The following C12orf42 variants were observed in gnomAD, a reference collection of about 807,000 sequenced individuals.
C12orf42 encodes chromosome 12 open reading frame 42, also known as uncharacterized protein C12orf42.
Under a neutral mutation model 21.6 loss-of-function variants are expected in C12orf42, and 25 were observed. The observed-to-expected ratio is 1.16, with a 90% CI of 0.84 to 1.62. The LOEUF (loss-of-function observed/expected upper bound fraction) is 1.62. Among genes scored for constraint, C12orf42 ranks in the 40% most tolerant of loss-of-function variants. The pLI, the probability that C12orf42 is intolerant of heterozygous loss-of-function variation, is 0.00. For missense variants in C12orf42, 483 were observed against 459.3 expected (o/e 1.05, Z -0.47); for synonymous variants, 174 against 175.0 (o/e 0.99, Z 0.05).
the C12orf42 span, among the ~76,000 whole-genome samples, chr12:103,117,969 T>C: frequency 3.6e-4 from 55 of 152,354 alleles, no homozygotes; most frequent in Middle Eastern, 6.8e-3. Flanking sequence ...AGATAATTTA[T>C]GTAAAAATGC....
the C12orf42 span, among the ~76,000 whole-genome samples, chr12:103,214,754 C>G: frequency 1.3e-5 from 2 of 152,134 alleles, no homozygotes; most frequent in African/African-American, 2.4e-5. Context: ...TCCAACTTAG[C>G]GGGATGAGTC....
At chr12:103,434,100 G>A (rs1306391447) in intron 2 of C12orf42, among the ~76,000 whole-genome samples, 1 of 152,138 alleles carries the variant, frequency 6.6e-6, no homozygotes, top group Non-Finnish European at 1.5e-5. Flanking sequence ...GGCTTGCCAA[G>A]GTCATTCAGT....
the C12orf42 span, among the ~76,000 whole-genome samples, chr12:103,526,362 CAA>C: frequency 1.3e-5 from 2 of 152,156 alleles, no homozygotes; most frequent in African/African-American, 4.8e-5. Context: ...TGTGATTTGG[CAA>C]AGTTTCTATC....
At chr12:103,222,435 GA>G in the C12orf42 span, among the ~76,000 whole-genome samples, 1 of 152,140 alleles carries the variant, frequency 6.6e-6, no homozygotes, top group African/African-American at 2.4e-5. Context: ...TTTTGTAGTG[GA>G]ATGTCATCAG....
chr12:103,376,344 G>A (rs564765888), intron 3 of C12orf42, among the ~76,000 whole-genome samples: 15 of 152,208 alleles, frequency 9.9e-5, no homozygotes, highest in African/African-American at 3.6e-4. Flanking sequence ...CATAAGAGTG[G>A]GAGTTGAACA....
At chr12:103,162,746 C>T in the C12orf42 span, 1 of 152,162 alleles carries the variant, frequency 6.6e-6, no homozygotes, top group Non-Finnish European at 1.5e-5. Flanking sequence ...AAAGCCCCCA[C>T]AATATTGAAC....
At chr12:103,367,429 CAA>C (rs567297195) in intron 4 of C12orf42, among the ~76,000 whole-genome samples, 1,529 of 144,246 alleles carry the variant, frequency 0.011, 10 homozygotes, top group Non-Finnish European at 0.017. Context: ...ACCTGTTCCC[CAA>C]AAGACTATGG....
chr12:103,216,697 A>G, the C12orf42 span, among the ~76,000 whole-genome samples: 3 of 152,064 alleles, frequency 2.0e-5, no homozygotes, highest in African/African-American at 7.2e-5. Context: ...TCTTCACAAT[A>G]TAGAATCCAA....
chr12:103,113,202 T>A, the C12orf42 span, among the ~76,000 whole-genome samples: 1 of 152,154 alleles, frequency 6.6e-6, no homozygotes, highest in Non-Finnish European at 1.5e-5. Flanking sequence ...TGTTCTAGCC[T>A]CTCTTCCTGT....
chr12:103,264,488 C>T (rs1237368799), downstream of C12orf42, among the ~76,000 whole-genome samples: 1 of 152,060 alleles, frequency 6.6e-6, no homozygotes, highest in Non-Finnish European at 1.5e-5. Flanking sequence ...ATCTGCAGTG[C>T]CCTCCACAGT....
chr12:103,270,306 T>C (rs561644647), intron 5 of C12orf42: 2 of 148,488 alleles, frequency 1.3e-5, no homozygotes, highest in Admixed American at 1.3e-4. Flanking sequence ...ATGGAGAGCA[T>C]TTCTACTAGA....
chr12:103,126,257 T>A, the C12orf42 span, among the ~76,000 whole-genome samples: 22 of 152,280 alleles, frequency 1.4e-4, no homozygotes, highest in African/African-American at 5.3e-4. Flanking sequence ...GTTGTTTTAT[T>A]GAAAGCAGAA....
At chr12:103,265,699 G>A (rs2035130881), downstream of C12orf42, among the ~76,000 whole-genome samples, 1 of 152,118 alleles carries the variant, frequency 6.6e-6, no homozygotes, top group African/African-American at 2.4e-5. Flanking sequence ...CGTGGGTTGG[G>A]GGACCTGGAA....
intron 4 of C12orf42, among the ~76,000 whole-genome samples, chr12:103,362,659 A>AC (rs2044221689): frequency 6.6e-6 from 1 of 152,110 alleles, no homozygotes; most frequent in Non-Finnish European, 1.5e-5. Context: ...AAAAAATCAC[A>AC]ACTTCAGGAA....
At chr12:103,473,966 C>T (rs1953833346) in intron 2 of C12orf42, among the ~76,000 whole-genome samples, 1 of 152,132 alleles carries the variant, frequency 6.6e-6, no homozygotes, top group African/African-American at 2.4e-5. Flanking sequence ...TCTTAATACT[C>T]AGATTAGTCT....
intron 2 of C12orf42, among the ~76,000 whole-genome samples, chr12:103,402,363 C>A (rs1005863006): frequency 1.3e-5 from 2 of 152,134 alleles, no homozygotes; most frequent in South Asian, 2.1e-4. Context: ...AAATATCAAA[C>A]CTTAATAAGA....
chr12:103,557,104 C>T, the C12orf42 span, among the ~76,000 whole-genome samples: 1 of 152,062 alleles, frequency 6.6e-6, no homozygotes, highest in East Asian at 1.9e-4. Context: ...TCCAACAGTC[C>T]TAGGAAACTA....
chr12:103,206,874 G>T, the C12orf42 span, among the ~76,000 whole-genome samples: 1 of 152,116 alleles, frequency 6.6e-6, no homozygotes, highest in Non-Finnish European at 1.5e-5. Context: ...GATCTTCCCG[G>T]CTAGAACTGC....
intron 4 of C12orf42, among the ~76,000 whole-genome samples, chr12:103,320,476 A>G (rs1449292659): frequency 6.6e-6 from 1 of 152,220 alleles, no homozygotes; most frequent in African/African-American, 2.4e-5. Flanking sequence ...TTAGTAAAAG[A>G]GAACTTACTC....
Sources: gnomAD v4.1 joint callset for allele counts (sites outside exome capture counted in the v4.1 genomes callset) on GRCh38, gnomAD v4.1.1 for gene constraint, MANE v1.5 for transcripts, NCBI Gene and HGNC (gene_info 2026-07-23, HGNC 2026-07-21) for gene names.